Variants in PAFAH1B2 observed in about 807,000 individuals in gnomAD.
The protein encoded by PAFAH1B2 is platelet-activating factor acetylhydrolase IB subunit alpha2.
Under a neutral mutation model 28.0 loss-of-function variants are expected in PAFAH1B2, and 8 were observed. That is an observed-to-expected ratio of 0.29 (90% CI 0.17 to 0.52). PAFAH1B2 has a LOEUF of 0.52. PAFAH1B2 is among the 20% of genes least tolerant of loss of function. The pLI is 0.97. For synonymous variants in PAFAH1B2, 104 were observed against 103.2 expected, an observed-to-expected ratio of 1.01 and a Z score of -0.05; for missense variants, 190 against 282.6, an observed-to-expected ratio of 0.67 and a Z score of 2.35.
intron 2 of PAFAH1B2, 196 bp from the exon 3 acceptor site, chr11:117,159,736 GAA>G (rs369169854): frequency 5.9e-3 from 2,346 of 398,082 alleles, no homozygotes; most frequent in South Asian, 8.0e-3. Flanking sequence ...CGCTGTCTTA[GAA>G]AAAAAAAAAA....
chr11:117,161,378 G>C lies in PAFAH1B2; in HGVS notation c.288+117G>C, dbSNP rs540528626. The C allele has an allele frequency of 6.5e-6, 4 of 613,632 alleles. No individual in the cohort carries two copies. The East Asian group carries it at 1.2e-4, about 18-fold the overall frequency. 38.0% of individuals were successfully genotyped at this position (613,632 alleles called of 1,614,324 possible). On this transcript the variant is annotated intron_variant, in intron 4 of 5. Transcript: ENST00000527958. ...AAAGACCTATTTCACTATTTTTTTC[G>C]TGCCTCTTTAAGGTAAATGATACTG...
At position 117,170,644 on chromosome 11, in the gene PAFAH1B2, AAAAG is replaced by A. The variant is rs1241361356; in HGVS notation, c.*2946_*2949del. 1.9e-6 allele frequency: 2 copies of A among 1,057,044 alleles called. No homozygotes were observed. Among genetic ancestry groups the A allele is most frequent in the Admixed American group, 5.4e-5 (1 of 18,430 alleles). The allele number at this position is 1,057,044 out of a possible 1,614,324, so 65.5% of individuals were successfully genotyped here. On this transcript the variant is annotated 3_prime_UTR_variant, in exon 6 of 6. Coordinates refer to ENST00000527958, the MANE Select transcript of PAFAH1B2 (RefSeq NM_002572.4). The stretch of plus-strand genomic sequence containing the variant: ...GTCTGTTTAAAAAAAAAAAAAAAAA[AAAAG>A]TCCAACTTACTTTATTTTATTTTTT...
downstream of PAFAH1B2, chr11:117,175,300 C>CT (rs991060828): frequency 7.5e-6 from 8 of 1,071,902 alleles, no homozygotes; most frequent in Middle Eastern, 4.1e-4. Context: ...ACACCACTGC[C>CT]TTTTTTTGCT....
In PAFAH1B2 at chr11:117,169,124, A is replaced by G. The variant is rs1343237558; in HGVS notation, c.*1425A>G. The G allele has an allele frequency of 9.8e-7, 1 of 1,022,956 alleles. No homozygotes were observed. The highest frequency in any genetic ancestry group is 1.7e-5 in the African/African-American group (1 of 58,680). The allele number at this position is 1,022,956 out of a possible 1,614,324, so 63.4% of individuals were successfully genotyped here. ...TTAGTTTTTAAATTATCCTCCAAAA[A>G]TTTTGGGCCTTTTTCTGTGGGGAAA... On this transcript the variant is annotated 3_prime_UTR_variant, in exon 6 of 6. Transcript: ENST00000527958.
intron 2 of PAFAH1B2, among the ~76,000 whole-genome samples, chr11:117,155,311 G>A (rs1270641524): frequency 6.6e-6 from 1 of 152,100 alleles, no homozygotes; most frequent in African/African-American, 2.4e-5. Context: ...AATAGAAATC[G>A]TATCAAAACA....
chr11:117,155,785 G>C (rs1315367523), intron 2 of PAFAH1B2, among the ~76,000 whole-genome samples: 1 of 152,076 alleles, frequency 6.6e-6, no homozygotes, highest in South Asian at 2.1e-4. Context: ...GACCTGGGAG[G>C]CTGAGGCAAG....
At position 117,161,268 on chromosome 11, in the gene PAFAH1B2, T is replaced by C; in HGVS notation, c.288+7T>C. The C allele has an allele frequency of 7.0e-7, 1 of 1,428,948 alleles. No individual in the cohort carries two copies. Among genetic ancestry groups the C allele is most frequent in the Non-Finnish European group, 9.6e-7 (1 of 1,046,676 alleles). 88.5% of individuals were successfully genotyped at this position (1,428,948 alleles called of 1,614,324 possible). On this transcript the variant is annotated splice_region_variant and intron_variant, in intron 4 of 5. Coordinates refer to ENST00000527958, the MANE Select transcript of PAFAH1B2 (RefSeq NM_002572.4). ...GGAGAATATTAAGCCTAAGGTGAAA[T>C]GAAAGTTACTTGTCAATGTCATTAA...
At chr11:117,163,389 C>T (rs973981619) in intron 4 of PAFAH1B2, among the ~76,000 whole-genome samples, 6 of 152,174 alleles carry the variant, frequency 3.9e-5, no homozygotes, top group South Asian at 2.1e-4. Flanking sequence ...ATAAGATTTT[C>T]GGCCGGGCGT....
chr11:117,172,396 A>T (rs1956688670), downstream of PAFAH1B2, among the ~76,000 whole-genome samples: 354 of 2,408 alleles, frequency 0.15, 6 homozygotes, highest in African/African-American at 0.26. Flanking sequence ...ATATATATAT[A>T]TATATATATT....
chr11:117,169,044 G>A lies in PAFAH1B2; in HGVS notation c.*1345G>A. The A allele has an allele frequency of 1.3e-6, 1 of 780,750 alleles. No homozygotes were observed. The highest frequency in any genetic ancestry group is 1.6e-6 in the Non-Finnish European group (1 of 632,658). The allele number at this position is 780,750 out of a possible 1,614,324, so 48.4% of individuals were successfully genotyped here. ...GACCTCAGGTGATCTGCCCGCCTTGGCCTCCCAAAGTGCTGGGATTACAGG... is the reference window on the plus strand; with the variant it reads ...GACCTCAGGTGATCTGCCCGCCTTGACCTCCCAAAGTGCTGGGATTACAGG... On this transcript the variant is annotated 3_prime_UTR_variant, in exon 6 of 6. Transcript: ENST00000527958.
intron 5 of PAFAH1B2, among the ~76,000 whole-genome samples, chr11:117,164,929 G>C (rs1029123981): frequency 6.6e-6 from 1 of 151,100 alleles, no homozygotes; most frequent in Non-Finnish European, 1.5e-5. Context: ...CCAGCTATTC[G>C]GGAGGCTGAA....
At chr11:117,161,524 T>TC (rs1289601949) in intron 4 of PAFAH1B2, among the ~76,000 whole-genome samples, 1 of 151,768 alleles carries the variant, frequency 6.6e-6, no homozygotes, top group Non-Finnish European at 1.5e-5. Context: ...TTTTTTTTTT[T>TC]TTGAGATGGA....
At position 117,161,134 on chromosome 11, in the gene PAFAH1B2, T is replaced by C. The variant is rs765423235; in HGVS notation, c.172-11T>C. 9 of 1,556,046 alleles carry C rather than the reference T, an allele frequency of 5.8e-6. No homozygotes were observed. The highest frequency in any genetic ancestry group is 7.8e-6 in the Non-Finnish European group (9 of 1,147,122). Reference sequence around the variant, plus strand: ...TTTTAGGTACACTAAATCAAGTTTTTCTTTTTTTAGATATGGCGAGAGCTT... The same window carrying C: ...TTTTAGGTACACTAAATCAAGTTTTCCTTTTTTTAGATATGGCGAGAGCTT... On this transcript the variant is annotated splice_polypyrimidine_tract_variant and intron_variant, in intron 3 of 5. Transcript: ENST00000527958.
chr11:117,164,696 A>G (rs1265544272), intron 5 of PAFAH1B2, among the ~76,000 whole-genome samples: 1 of 151,794 alleles, frequency 6.6e-6, no homozygotes, highest in Non-Finnish European at 1.5e-5. Context: ...TAAAGCATTA[A>G]CTCTTCATGG....
At chr11:117,172,942 A>G (rs57320215), downstream of PAFAH1B2, among the ~76,000 whole-genome samples, 3,213 of 152,314 alleles carry the variant, frequency 0.021, 108 homozygotes, top group African/African-American at 0.07. Context: ...GCCTCAGGCA[A>G]TCGGCCCGCC....
At position 117,169,917 on chromosome 11, in the gene PAFAH1B2, A is replaced by G; in HGVS notation, c.*2218A>G. The G allele has an allele frequency of 9.5e-7, 1 of 1,053,782 alleles. No individual in the cohort carries two copies. The highest frequency in any genetic ancestry group is 1.1e-6 in the Non-Finnish European group (1 of 872,028). The allele number at this position is 1,053,782 out of a possible 1,614,324, so 65.3% of individuals were successfully genotyped here. A position where few individuals can be genotyped will look rare whatever the true frequency, so the allele number is the denominator to read the frequency against. ...GCGCTTTTAGCTTCTCTCTTGACTG[A>G]GGATCAAATATCCCTTTGTGAGCTG... On this transcript the variant is annotated 3_prime_UTR_variant, in exon 6 of 6. Coordinates refer to ENST00000527958, the MANE Select transcript of PAFAH1B2 (RefSeq NM_002572.4).
intron 1 of PAFAH1B2, among the ~76,000 whole-genome samples, chr11:117,147,174 G>A (rs1278709247): frequency 3.9e-5 from 6 of 152,112 alleles, no homozygotes; most frequent in Non-Finnish European, 2.9e-5. Flanking sequence ...ATGCTGAGAC[G>A]GGAGAATTGC....
chr11:117,163,236 G>T (rs1451223442), intron 4 of PAFAH1B2, among the ~76,000 whole-genome samples: 4 of 152,092 alleles, frequency 2.6e-5, no homozygotes, highest in African/African-American at 9.7e-5. Context: ...AAGAAAGATG[G>T]ATTGAGCCCA....
intron 3 of PAFAH1B2, 134 bp from the exon 4 acceptor site, chr11:117,161,011 A>G (rs780451593): frequency 3.1e-6 from 2 of 638,472 alleles, no homozygotes; most frequent in East Asian, 2.8e-5. Flanking sequence ...AAAAGCCCTT[A>G]AACAGTGTCA....
Sources: gnomAD v4.1 joint callset for allele counts (sites outside exome capture counted in the v4.1 genomes callset) on GRCh38, gnomAD v4.1.1 for gene constraint, MANE v1.5 for transcripts, NCBI Gene and HGNC (gene_info 2026-07-23, HGNC 2026-07-21) for gene names.